Variants in SHC3 observed in about 807,000 individuals in gnomAD.
SHC3 encodes the protein SHC-transforming protein 3.
Under a neutral mutation model 60.4 loss-of-function variants are expected in SHC3, and 15 were observed. The observed-to-expected ratio is 0.25, with a 90% CI of 0.17 to 0.38. The LOEUF (loss-of-function observed/expected upper bound fraction) is 0.38, where lower values mean the gene tolerates loss of function less well. Among genes scored for constraint, SHC3 ranks in the 10% least tolerant of loss-of-function variants. SHC3 has a pLI of 1.00. For synonymous variants in SHC3, 294 were observed against 325.9 expected (o/e 0.90, Z 1.05); for missense variants, 677 against 786.1 (o/e 0.86, Z 1.66).
intron 6 of SHC3, among the ~76,000 whole-genome samples, chr9:89,058,953 AGACATGGTGGAGGACAGTAGTGAAG>A (rs1825008279): frequency 1.0e-5 from 1 of 98,730 alleles, no homozygotes; most frequent in African/African-American, 4.1e-5. Context: ...ACGTGGTGGA[AGACATGGTGGAGGACAGTAGTGAAG>A]GACATGGTGG....
chr9:89,103,520 T>TGTCC (rs1825813392), intron 2 of SHC3, among the ~76,000 whole-genome samples: 1 of 152,172 alleles, frequency 6.6e-6, no homozygotes, highest in South Asian at 2.1e-4. Flanking sequence ...GCTAGGCTAC[T>TGTCC]ATAGCCCAGG....
At chr9:89,156,137 T>C (rs151039777) in intron 1 of SHC3, among the ~76,000 whole-genome samples, 1 of 152,310 alleles carries the variant, frequency 6.6e-6, no homozygotes, top group African/African-American at 2.4e-5. Context: ...TAAAATCTAT[T>C]ACTGCCTTGA....
chr9:89,154,381 AAGCCAACTCTG>A (rs1470025120), intron 1 of SHC3, among the ~76,000 whole-genome samples: 2 of 152,198 alleles, frequency 1.3e-5, no homozygotes, highest in Non-Finnish European at 2.9e-5. Flanking sequence ...GTTAAGGGTG[AAGCCAACTCTG>A]AGCCGGAATG....
intron 1 of SHC3, among the ~76,000 whole-genome samples, chr9:89,152,499 C>A (rs187174378): frequency 6.6e-6 from 1 of 152,310 alleles, no homozygotes; most frequent in Admixed American, 6.5e-5. Context: ...ATATCTATGT[C>A]CAACTGTCTT....
At chr9:89,054,777 T>C (rs1824921628) in intron 6 of SHC3, among the ~76,000 whole-genome samples, 2 of 152,248 alleles carry the variant, frequency 1.3e-5, no homozygotes, top group South Asian at 4.1e-4. Flanking sequence ...AGACAGGGAA[T>C]TCCACAGTCC....
At chr9:89,031,522 T>C (rs1824492477) in intron 11 of SHC3, among the ~76,000 whole-genome samples, 1 of 152,268 alleles carries the variant, frequency 6.6e-6, no homozygotes, top group Non-Finnish European at 1.5e-5. Flanking sequence ...TTCTTTCACT[T>C]AGCATAATGT....
At position 89,011,289 on chromosome 9, in the gene SHC3, G is replaced by A. The variant is rs1360893507; in HGVS notation, c.*2158C>T. 1 of 152,154 alleles carries A rather than the reference G, an allele frequency of 6.6e-6. No homozygotes were observed. Among genetic ancestry groups the A allele is most frequent in the Non-Finnish European group, 1.5e-5 (1 of 68,030 alleles). The allele number at this position is 152,154 out of a possible 1,614,324, so 9.4% of individuals were successfully genotyped here. A position where few individuals can be genotyped will look rare whatever the true frequency, so the allele number is the denominator to read the frequency against. ...CTTCACAGCAAGAGCTACTAAAGCT[G>A]CAGGTTACCATTCAAGTCCCCCCAA... On this transcript the variant is annotated 3_prime_UTR_variant, in exon 12 of 12. Transcript: ENST00000375835.
chr9:89,058,488 A>G (rs1424700740), intron 6 of SHC3, among the ~76,000 whole-genome samples: 4 of 136,880 alleles, frequency 2.9e-5, no homozygotes, highest in East Asian at 2.3e-4. Context: ...GATGGAGGAC[A>G]GTGGTGGAGG....
At chr9:89,093,826 G>A (rs111574829) in intron 2 of SHC3, among the ~76,000 whole-genome samples, 3,699 of 152,172 alleles carry the variant, frequency 0.024, 67 homozygotes, top group Middle Eastern at 0.068. Context: ...TGCACTGGTC[G>A]GGCGCGGTGG....
At chr9:89,126,255 C>T (rs11137520) in intron 1 of SHC3, among the ~76,000 whole-genome samples, 2 of 152,086 alleles carry the variant, frequency 1.3e-5, no homozygotes, top group Non-Finnish European at 2.9e-5. Context: ...GTTAAAGGCC[C>T]CACTTAATAA....
chr9:89,076,010 A>G (rs1207546357), intron 3 of SHC3, among the ~76,000 whole-genome samples: 1 of 152,040 alleles, frequency 6.6e-6, no homozygotes, highest in Non-Finnish European at 1.5e-5. Context: ...TTAGTTCCTA[A>G]CCAGGTGCAC....
chr9:89,028,974 T>A (rs1452992690), intron 11 of SHC3, among the ~76,000 whole-genome samples: 1 of 149,366 alleles, frequency 6.7e-6, no homozygotes, highest in Admixed American at 6.7e-5. Context: ...GCAGAATATA[T>A]ATATAGATAT....
chr9:89,160,829 G>C (rs1179310366), intron 1 of SHC3, among the ~76,000 whole-genome samples: 1 of 152,220 alleles, frequency 6.6e-6, no homozygotes, highest in Non-Finnish European at 1.5e-5. Context: ...AGCCTTTAAA[G>C]ATTTTGGGTG....
At chr9:89,051,762 A>C (rs1005795653) in intron 7 of SHC3, among the ~76,000 whole-genome samples, 2 of 152,234 alleles carry the variant, frequency 1.3e-5, no homozygotes, top group African/African-American at 4.8e-5. Context: ...AACAGAACAA[A>C]AAAATTTATA....
At chr9:89,137,184 A>C (rs926438578) in intron 1 of SHC3, among the ~76,000 whole-genome samples, 1 of 152,106 alleles carries the variant, frequency 6.6e-6, no homozygotes, top group Admixed American at 6.6e-5. Context: ...TTCAACATGA[A>C]ATTTAGTGGG....
Position 89,007,661 on chromosome 9 carries a change from G to A in SHC3, c.*5786C>T, listed in dbSNP as rs887723948. The A allele has an allele frequency of 6.6e-6, 1 of 152,376 alleles. No homozygotes were observed. Among genetic ancestry groups the A allele is most frequent in the African/African-American group, 2.4e-5 (1 of 41,450 alleles). 9.4% of individuals were successfully genotyped at this position (152,376 alleles called of 1,614,324 possible). A position where few individuals can be genotyped will look rare whatever the true frequency, so the allele number is the denominator to read the frequency against. On this transcript the variant is annotated 3_prime_UTR_variant, in exon 12 of 12. Transcript: ENST00000375835. ...TTCTCCTCCTTCCCTGCTGGCCTCA[G>A]ACAGCTATGCATGGCTGCATGAAGG...
intron 1 of SHC3, among the ~76,000 whole-genome samples, chr9:89,167,696 C>T (rs996653355): frequency 3.9e-5 from 6 of 152,164 alleles, no homozygotes; most frequent in Admixed American, 2.0e-4. Flanking sequence ...GAAACATGCA[C>T]GAGTATACTT....
chr9:89,025,370 C>G (rs545060483), intron 11 of SHC3, among the ~76,000 whole-genome samples: 1 of 152,302 alleles, frequency 6.6e-6, no homozygotes, highest in Non-Finnish European at 1.5e-5. Context: ...GTCCCAGACA[C>G]AGACATGCTG....
chr9:89,083,122 C>T (rs537800091), intron 2 of SHC3, among the ~76,000 whole-genome samples: 115 of 152,308 alleles, frequency 7.6e-4, no homozygotes, highest in African/African-American at 2.6e-3. Context: ...CCCATCACCA[C>T]CCTGCCTCCA....
Sources: gnomAD v4.1 joint callset for allele counts (sites outside exome capture counted in the v4.1 genomes callset) on GRCh38, gnomAD v4.1.1 for gene constraint, MANE v1.5 for transcripts, NCBI Gene and HGNC (gene_info 2026-07-23, HGNC 2026-07-21) for gene names.